SLC24A2: variants seen among roughly 807,000 people sequenced by gnomAD.
SLC24A2 encodes the protein solute carrier family 24 member 2.
SLC24A2 carries 36 observed loss-of-function variants against 62.0 expected under a neutral mutation model. The ratio of observed to expected loss-of-function variants is 0.58; its 90% CI spans 0.44 to 0.77. The LOEUF (loss-of-function observed/expected upper bound fraction) is 0.77, where lower values mean the gene tolerates loss of function less well. SLC24A2 is among the 30% of genes least tolerant of loss of function. SLC24A2 has a pLI of 0.00. For synonymous variants in SLC24A2, 358 were observed against 294.0 expected (o/e 1.22, Z -2.23); for missense variants, 846 against 817.9 (o/e 1.03, Z -0.42).
At chr9:20,187,280 GT>G in the SLC24A2 span, among the ~76,000 whole-genome samples, 40 of 151,848 alleles carry the variant, frequency 2.6e-4, no homozygotes, top group East Asian at 5.0e-3. Flanking sequence ...TAAAAACAAA[GT>G]TTTTTTTTAT....
At chr9:20,096,267 C>A in the SLC24A2 span, among the ~76,000 whole-genome samples, 1 of 152,158 alleles carries the variant, frequency 6.6e-6, no homozygotes, top group Non-Finnish European at 1.5e-5. Context: ...AGGTATCACA[C>A]AAAGTGAGTC....
chr9:20,024,390 G>C, the SLC24A2 span, among the ~76,000 whole-genome samples: 1 of 152,124 alleles, frequency 6.6e-6, no homozygotes, highest in Non-Finnish European at 1.5e-5. Flanking sequence ...GACTGGAATA[G>C]AAATGTGAAC....
chr9:19,913,201 G>C, the SLC24A2 span, among the ~76,000 whole-genome samples: 1 of 152,156 alleles, frequency 6.6e-6, no homozygotes, highest in East Asian at 1.9e-4. Flanking sequence ...TCTATGACCA[G>C]TTTTTCCAAA....
chr9:19,534,359 T>G (rs1833855288), intron 8 of SLC24A2, among the ~76,000 whole-genome samples: 6 of 152,144 alleles, frequency 3.9e-5, no homozygotes, highest in African/African-American at 1.4e-4. Flanking sequence ...TGTCTTTGTA[T>G]CTCTTTTTTT....
chr9:20,134,315 GT>G, the SLC24A2 span, among the ~76,000 whole-genome samples: 1 of 152,112 alleles, frequency 6.6e-6, no homozygotes, highest in Non-Finnish European at 1.5e-5. Context: ...GATTTTTGTT[GT>G]TGTCATTTGT....
At chr9:19,987,513 C>A in the SLC24A2 span, among the ~76,000 whole-genome samples, 1 of 152,126 alleles carries the variant, frequency 6.6e-6, no homozygotes, top group Non-Finnish European at 1.5e-5. Flanking sequence ...GAGCCAAAAT[C>A]TGTCCAATGC....
At chr9:19,674,017 AT>A (rs1336192949) in intron 2 of SLC24A2, among the ~76,000 whole-genome samples, 2 of 152,042 alleles carry the variant, frequency 1.3e-5, no homozygotes, top group Non-Finnish European at 2.9e-5. Context: ...TATTTCAAGG[AT>A]TTGTTTCAAG....
chr9:19,521,161 C>T (rs1188736031), intron 9 of SLC24A2, 101 bp from the exon 10 acceptor site: 3 of 1,020,232 alleles, frequency 2.9e-6, no homozygotes, highest in South Asian at 2.7e-5. Context: ...CATTTCTATA[C>T]TGTGCTATGC....
chr9:19,827,726 A>G, the SLC24A2 span, among the ~76,000 whole-genome samples: 3 of 152,074 alleles, frequency 2.0e-5, no homozygotes, highest in Non-Finnish European at 4.4e-5. Flanking sequence ...GAATAAGATG[A>G]TATTTTCTAG....
chr9:19,544,802 G>T (rs1417137796), intron 8 of SLC24A2, among the ~76,000 whole-genome samples: 1 of 152,154 alleles, frequency 6.6e-6, no homozygotes, highest in Non-Finnish European at 1.5e-5. Context: ...TCTGCTGTTG[G>T]TCTGATGGGC....
At chr9:19,966,947 A>G in the SLC24A2 span, among the ~76,000 whole-genome samples, 1 of 152,164 alleles carries the variant, frequency 6.6e-6, no homozygotes, top group Non-Finnish European at 1.5e-5. Flanking sequence ...TTTCTTCTTA[A>G]GCCTGGAAGA....
chr9:19,551,035 G>C (rs138586116), intron 7 of SLC24A2, among the ~76,000 whole-genome samples: 3 of 152,112 alleles, frequency 2.0e-5, no homozygotes, highest in Non-Finnish European at 4.4e-5. Context: ...TGCTAGCTAC[G>C]GTCACCCTAG....
At chr9:19,547,994 A>G (rs1029368402) in intron 8 of SLC24A2, among the ~76,000 whole-genome samples, 3 of 151,630 alleles carry the variant, frequency 2.0e-5, no homozygotes, top group African/African-American at 7.3e-5. Flanking sequence ...ATCTTGAATA[A>G]AGAAACTTAA....
At chr9:20,077,277 A>G in the SLC24A2 span, among the ~76,000 whole-genome samples, 1 of 152,282 alleles carries the variant, frequency 6.6e-6, no homozygotes, top group East Asian at 1.9e-4. Context: ...TTTGTTAAAT[A>G]GATTTCAGCT....
intron 2 of SLC24A2, among the ~76,000 whole-genome samples, chr9:19,722,846 CAA>C (rs1821067156): frequency 6.6e-6 from 1 of 152,024 alleles, no homozygotes; most frequent in African/African-American, 2.4e-5. Context: ...GGAGAAATGT[CAA>C]AGAGTTTCTA....
chr9:19,825,389 A>G, the SLC24A2 span, among the ~76,000 whole-genome samples: 1 of 152,172 alleles, frequency 6.6e-6, no homozygotes, highest in African/African-American at 2.4e-5. Context: ...AAGGTGGGGA[A>G]CAATGGGTCC....
chr9:20,211,711 T>C, the SLC24A2 span, among the ~76,000 whole-genome samples: 1 of 152,060 alleles, frequency 6.6e-6, no homozygotes, highest in Non-Finnish European at 1.5e-5. Flanking sequence ...AACAAGAATC[T>C]AGAACTAAAC....
chr9:19,745,220 G>A (rs111968844), intron 2 of SLC24A2, among the ~76,000 whole-genome samples: 1 of 152,054 alleles, frequency 6.6e-6, no homozygotes, highest in East Asian at 1.9e-4. Context: ...GATTCCTGAG[G>A]CCCTTCCCAG....
the SLC24A2 span, among the ~76,000 whole-genome samples, chr9:20,127,948 A>G: frequency 6.6e-6 from 1 of 151,952 alleles, no homozygotes; most frequent in Non-Finnish European, 1.5e-5. Flanking sequence ...TTTTTAAGGG[A>G]AAGTGGGTGC....
Sources: allele counts gnomAD v4.1 joint callset (sites outside exome capture counted in the v4.1 genomes callset), GRCh38; gene constraint gnomAD v4.1.1; transcripts MANE v1.5; gene names NCBI Gene and HGNC (gene_info 2026-07-23, HGNC 2026-07-21).